Variants in SGSM1 observed in about 807,000 individuals in gnomAD.
The protein encoded by SGSM1 is small G protein signaling modulator 1.
A neutral mutation model predicts 133.8 loss-of-function variants in SGSM1; 73 were observed. The observed-to-expected ratio is 0.55, with a 90% CI of 0.45 to 0.66. The LOEUF is 0.66. SGSM1 is among the 30% of genes least tolerant of loss of function. The pLI is 0.00. For missense variants in SGSM1, 1,213 were observed against 1,448.1 expected (o/e 0.84, Z 2.64); for synonymous variants, 563 against 573.0 (o/e 0.98, Z 0.25).
chr22:24,914,292 CAA>C (rs144720210), intron 22 of SGSM1, among the ~76,000 whole-genome samples: 15 of 95,266 alleles, frequency 1.6e-4, no homozygotes, highest in Non-Finnish European at 1.8e-4. Flanking sequence ...GACTCCATCT[CAA>C]AAAAAAAAAA....
At chr22:24,905,510 G>A (rs570159620) in intron 21 of SGSM1, among the ~76,000 whole-genome samples, 11 of 152,254 alleles carry the variant, frequency 7.2e-5, no homozygotes, top group South Asian at 2.1e-4. Context: ...AATGCCAGCC[G>A]GGCACAGTGG....
intron 2 of SGSM1, among the ~76,000 whole-genome samples, chr22:24,820,579 C>T (rs749856792): frequency 6.6e-6 from 1 of 152,224 alleles, no homozygotes; most frequent in African/African-American, 2.4e-5. Context: ...CCCCCCTCCC[C>T]ACTGCCACCT....
At chr22:24,877,904 G>A (rs906254603) in intron 13 of SGSM1, among the ~76,000 whole-genome samples, 2 of 136,448 alleles carry the variant, frequency 1.5e-5, no homozygotes, top group African/African-American at 2.6e-5. Flanking sequence ...TCCGCCTCCC[G>A]GGTTTAAGCA....
intron 16 of SGSM1, among the ~76,000 whole-genome samples, chr22:24,891,917 G>A (rs1380885478): frequency 1.3e-5 from 2 of 152,136 alleles, no homozygotes; most frequent in African/African-American, 2.4e-5. Context: ...TGGTGTGTGT[G>A]TCCGAATGGG....
intron 2 of SGSM1, among the ~76,000 whole-genome samples, chr22:24,823,049 C>T (rs1260078898): frequency 6.6e-6 from 1 of 152,126 alleles, no homozygotes; most frequent in Non-Finnish European, 1.5e-5. Context: ...GAAAGACAGT[C>T]CTGGATTTGA....
At chr22:24,915,920 G>A (rs961389224) in intron 22 of SGSM1, among the ~76,000 whole-genome samples, 1 of 152,010 alleles carries the variant, frequency 6.6e-6, no homozygotes, top group African/African-American at 2.4e-5. Context: ...CATTTTCTAT[G>A]TACATGTTTT....
At chr22:24,869,812 C>T (rs1321235429) in intron 12 of SGSM1, among the ~76,000 whole-genome samples, 1 of 152,130 alleles carries the variant, frequency 6.6e-6, no homozygotes, top group Non-Finnish European at 1.5e-5. Flanking sequence ...GACACAGATG[C>T]GCAGCAAATG....
chr22:24,914,006 A>C (rs1386069330), intron 22 of SGSM1, among the ~76,000 whole-genome samples: 1 of 150,898 alleles, frequency 6.6e-6, no homozygotes, highest in Non-Finnish European at 1.5e-5. Flanking sequence ...AATACAAAAA[A>C]TTGGCCGGGT....
intron 10 of SGSM1, 62 bp from the exon 11 acceptor site, chr22:24,868,314 G>A (rs1931568093): frequency 2.6e-6 from 4 of 1,552,162 alleles, no homozygotes; most frequent in Admixed American, 1.9e-5. Context: ...TTGCAGGAAG[G>A]GGCTGTCACC....
intron 2 of SGSM1, among the ~76,000 whole-genome samples, chr22:24,809,137 G>GC (rs982766639): frequency 3.3e-5 from 5 of 152,122 alleles, no homozygotes; most frequent in African/African-American, 1.2e-4. Flanking sequence ...ACAACTCGGT[G>GC]CCCCCCAAAG....
chr22:24,875,996 C>G (rs147514438), intron 12 of SGSM1, among the ~76,000 whole-genome samples: 1,756 of 152,264 alleles, frequency 0.012, 17 homozygotes, highest in African/African-American at 0.04. Context: ...TGTGGGGCAG[C>G]CATATTGCTT....
At chr22:24,838,210 C>G (rs1929578281) in intron 2 of SGSM1, among the ~76,000 whole-genome samples, 1 of 152,180 alleles carries the variant, frequency 6.6e-6, no homozygotes, top group African/African-American at 2.4e-5. Flanking sequence ...TACCAAAACA[C>G]CAGGGATTTG....
At chr22:24,915,166 T>A (rs1421017719) in intron 22 of SGSM1, among the ~76,000 whole-genome samples, 1 of 152,176 alleles carries the variant, frequency 6.6e-6, no homozygotes, top group Admixed American at 6.5e-5. Context: ...GAGGCGGAGC[T>A]TGCAGTGAGC....
chr22:24,907,935 AG>A (rs1176238354), intron 21 of SGSM1, among the ~76,000 whole-genome samples: 30 of 149,586 alleles, frequency 2.0e-4, no homozygotes, highest in African/African-American at 6.7e-4. Flanking sequence ...AAAAAAAAAA[AG>A]ATGTTGCAGG....
chr22:24,813,751 A>T (rs1414841314), intron 2 of SGSM1: 4 of 152,160 alleles, frequency 2.6e-5, no homozygotes, highest in Admixed American at 2.6e-4. Flanking sequence ...CCCTGGTTCG[A>T]TGTGGTGAGG....
chr22:24,867,893 G>A (rs1931544602), intron 10 of SGSM1, among the ~76,000 whole-genome samples: 1 of 152,122 alleles, frequency 6.6e-6, no homozygotes, highest in Admixed American at 6.5e-5. Context: ...TGTAAAATAG[G>A]CAATAATAGA....
Position 24,853,869 on chromosome 22 carries a change from G to C in SGSM1, c.456-1127G>C, listed in dbSNP as rs1057088777. Among the ~76,000 whole-genome samples the C allele has an allele frequency of 3.4e-5, 5 of 148,084 alleles. No homozygotes were observed. In the Admixed American group the frequency reaches 3.4e-4, roughly 10 times the overall value. ...CCTGACCTCATGATCCGCCCACCTT[G>C]GCCTCCCAAAGTGCTAGGATTACAG... On this transcript the variant is annotated intron_variant, in intron 5 of 24. Transcript: ENST00000400358.
At chr22:24,917,553 G>A in intron 22 of SGSM1, 105 bp from the exon 23 acceptor site, 1 of 688,166 alleles carries the variant, frequency 1.5e-6, no homozygotes, top group Non-Finnish European at 2.4e-6. Context: ...TGGCTGTTAA[G>A]GACCGTATGG....
chr22:24,901,938 C>T lies in SGSM1; in HGVS notation c.2716C>T (p.Leu906=), dbSNP rs1322901586. ...CTTCACGCCCGCCAACTTGGAGAAG[C>T]TGCGTAACATCATGTGCAGGTGGCT... is the stretch of plus-strand genomic sequence containing the variant. The part of the protein sequence containing the change: ...WYFTPANLEK[L]RNIMCSYIWQ... Residue 906 remains leucine, a synonymous_variant, in exon 20 of 25, where the codon CTG becomes TTG. Coordinates refer to ENST00000400358, the MANE Select transcript of SGSM1 (RefSeq NM_001098497.3). 1 of 1,375,364 alleles carries T rather than the reference C, an allele frequency of 7.3e-7. No homozygotes were observed. Among genetic ancestry groups the T allele is most frequent in the South Asian group, 1.2e-5 (1 of 84,406 alleles). 85.2% of individuals were successfully genotyped at this position (1,375,364 alleles called of 1,614,324 possible). A position where few individuals can be genotyped will look rare whatever the true frequency, so the allele number is the denominator to read the frequency against.
Sources: allele counts gnomAD v4.1 joint callset (sites outside exome capture counted in the v4.1 genomes callset), GRCh38; gene constraint gnomAD v4.1.1; transcripts MANE v1.5; gene names NCBI Gene and HGNC (gene_info 2026-07-23, HGNC 2026-07-21).